KCNIP4: variants seen among roughly 807,000 people sequenced by gnomAD.
The protein encoded by KCNIP4 is Kv channel-interacting protein 4.
Under a neutral mutation model 34.0 loss-of-function variants are expected in KCNIP4, and 12 were observed. The ratio of observed to expected loss-of-function variants is 0.35; its 90% CI spans 0.23 to 0.57. The LOEUF is 0.57. KCNIP4 is among the 20% of genes least tolerant of loss of function. The pLI, the probability that KCNIP4 is intolerant of heterozygous loss-of-function variation, is 0.83. For synonymous variants in KCNIP4, 124 were observed against 102.2 expected, an observed-to-expected ratio of 1.21 and a Z score of -1.29; for missense variants, 238 against 311.7, an observed-to-expected ratio of 0.76 and a Z score of 1.78.
At chr4:20,766,814 G>C (rs1755455990) in intron 3 of KCNIP4, 1 of 152,160 alleles carries the variant, frequency 6.6e-6, no homozygotes, top group Non-Finnish European at 1.5e-5. Flanking sequence ...GAGGAATCTA[G>C]TGCAGTGCTT....
intron 1 of KCNIP4, among the ~76,000 whole-genome samples, chr4:21,863,232 T>C (rs1166877306): frequency 6.6e-6 from 1 of 151,406 alleles, no homozygotes; most frequent in Non-Finnish European, 1.5e-5. Context: ...GTTATCCATA[T>C]ATATGGCTAA....
chr4:21,066,900 C>T (rs965978054), intron 1 of KCNIP4, among the ~76,000 whole-genome samples: 2 of 152,150 alleles, frequency 1.3e-5, no homozygotes, highest in African/African-American at 4.8e-5. Context: ...GTGCATGTGA[C>T]CTGGTGAGAT....
intron 1 of KCNIP4, among the ~76,000 whole-genome samples, chr4:21,860,119 T>C (rs1451658239): frequency 6.6e-6 from 1 of 152,082 alleles, no homozygotes; most frequent in Non-Finnish European, 1.5e-5. Context: ...AGGAGAAGAT[T>C]TGTCAATAAT....
At chr4:21,336,294 G>A (rs1332290085) in intron 1 of KCNIP4, among the ~76,000 whole-genome samples, 1 of 152,036 alleles carries the variant, frequency 6.6e-6, no homozygotes, top group South Asian at 2.1e-4. Context: ...CACTTTAGCT[G>A]TAAACATTCT....
intron 1 of KCNIP4, among the ~76,000 whole-genome samples, chr4:21,233,296 T>C (rs554072147): frequency 3.9e-4 from 59 of 152,108 alleles, no homozygotes; most frequent in Non-Finnish European, 7.8e-4. Flanking sequence ...GGTGAGATTG[T>C]ATGTCCAAGG....
At chr4:21,661,836 T>C (rs1040423857) in intron 1 of KCNIP4, among the ~76,000 whole-genome samples, 2 of 152,168 alleles carry the variant, frequency 1.3e-5, no homozygotes, top group Admixed American at 6.5e-5. Flanking sequence ...AAAATACTAG[T>C]GCCAAAGGCA....
chr4:21,405,948 G>C (rs1255589633), intron 1 of KCNIP4, among the ~76,000 whole-genome samples: 2 of 152,198 alleles, frequency 1.3e-5, no homozygotes, highest in African/African-American at 4.8e-5. Flanking sequence ...CGATTCTCCT[G>C]CCTCAGCCTC....
At chr4:20,886,514 G>T (rs1265526675) in intron 1 of KCNIP4, among the ~76,000 whole-genome samples, 1 of 152,164 alleles carries the variant, frequency 6.6e-6, no homozygotes, top group Non-Finnish European at 1.5e-5. Context: ...CGATATCCAA[G>T]GCTTCCCAAT....
intron 1 of KCNIP4, among the ~76,000 whole-genome samples, chr4:21,424,109 A>G (rs530901349): frequency 2.3e-4 from 34 of 150,650 alleles, no homozygotes; most frequent in African/African-American, 7.8e-4. Flanking sequence ...GTGAGCCACC[A>G]TGCCAGGCCG....
intron 1 of KCNIP4, among the ~76,000 whole-genome samples, chr4:20,953,010 C>T (rs1213544223): frequency 6.6e-6 from 1 of 152,242 alleles, no homozygotes; most frequent in African/African-American, 2.4e-5. Context: ...ATGGAGCCCT[C>T]ATGACTTAGT....
At chr4:20,779,623 G>C (rs528727901) in intron 3 of KCNIP4, among the ~76,000 whole-genome samples, 122 of 124,702 alleles carry the variant, frequency 9.8e-4, no homozygotes, top group African/African-American at 3.8e-3. Context: ...AAAAATTTCA[G>C]GTATAATTAG....
In KCNIP4 at chr4:21,624,172, G is replaced by A. The variant is rs573189743; in HGVS notation, c.61+324399C>T. Among the ~76,000 whole-genome samples, 4 of 152,196 alleles carry A rather than the reference G, an allele frequency of 2.6e-5. No individual in the cohort carries two copies. In the South Asian group the frequency reaches 8.3e-4, roughly 32 times the overall value. On this transcript the variant is annotated intron_variant, in intron 1 of 8. Transcript: ENST00000382152. ...ATTCTGCCTCCATTACTTACCAACAGTGAATTTGGGCAAGTGACTTGAACT... is the reference window on the plus strand; with the variant it reads ...ATTCTGCCTCCATTACTTACCAACAATGAATTTGGGCAAGTGACTTGAACT...
At chr4:20,876,229 C>A (rs1724011229) in intron 2 of KCNIP4, among the ~76,000 whole-genome samples, 1 of 151,852 alleles carries the variant, frequency 6.6e-6, no homozygotes. Flanking sequence ...TGTATTATTT[C>A]CTGACCATTA....
intron 1 of KCNIP4, among the ~76,000 whole-genome samples, chr4:21,871,476 G>C (rs1291871046): frequency 5.3e-5 from 8 of 151,742 alleles, no homozygotes; most frequent in Non-Finnish European, 1.0e-4. Context: ...AAAAGGATGA[G>C]TTAATGTCCT....
intron 2 of KCNIP4, 114 bp downstream of exon 2, chr4:20,882,494 T>C: frequency 2.7e-6 from 2 of 730,530 alleles, no homozygotes; most frequent in East Asian, 2.7e-5. Flanking sequence ...AGTACATCAA[T>C]AGATTGCTTT....
chr4:21,015,849 TAAAATATATACAATATATA>T (rs1423394248), intron 1 of KCNIP4, among the ~76,000 whole-genome samples: 1 of 139,164 alleles, frequency 7.2e-6, no homozygotes, highest in African/African-American at 2.6e-5. Flanking sequence ...ATACAATATA[TAAAATATATACAATATATA>T]AAAATATATA....
intron 1 of KCNIP4, among the ~76,000 whole-genome samples, chr4:21,538,011 CAAAAAAAAAAA>C (rs71191517): frequency 1.8e-4 from 9 of 51,268 alleles, no homozygotes; most frequent in Admixed American, 2.6e-4. Flanking sequence ...GATTCCGTCT[CAAAAAAAAAAA>C]AAAAAAAAAA....
chr4:20,962,108 T>A (rs971349121), intron 1 of KCNIP4, among the ~76,000 whole-genome samples: 2 of 152,174 alleles, frequency 1.3e-5, no homozygotes, highest in African/African-American at 2.4e-5. Flanking sequence ...CTGTGCTCAA[T>A]TTCTTTCCTG....
At chr4:21,018,756 T>C (rs576641999) in intron 1 of KCNIP4, among the ~76,000 whole-genome samples, 1 of 152,344 alleles carries the variant, frequency 6.6e-6, no homozygotes, top group South Asian at 2.1e-4. Flanking sequence ...ATAAAGTCCC[T>C]GTATATATAG....
Sources: allele counts gnomAD v4.1 joint callset (sites outside exome capture counted in the v4.1 genomes callset), GRCh38; gene constraint gnomAD v4.1.1; transcripts MANE v1.5; gene names NCBI Gene and HGNC (gene_info 2026-07-23, HGNC 2026-07-21).